PACS2: variants seen among roughly 807,000 people sequenced by gnomAD.
The protein encoded by PACS2 is phosphofurin acidic cluster sorting protein 2, also known as PACS1-like protein.
Under a neutral mutation model 113.0 loss-of-function variants are expected in PACS2, and 36 were observed. The ratio of observed to expected loss-of-function variants is 0.32; its 90% CI spans 0.24 to 0.42. The LOEUF (loss-of-function observed/expected upper bound fraction) is 0.42. PACS2 is among the 10% of genes least tolerant of loss of function. The pLI is 1.00. For synonymous variants in PACS2, 589 were observed against 536.1 expected, an observed-to-expected ratio of 1.10 and a Z score of -1.36; for missense variants, 1,015 against 1,239.5, an observed-to-expected ratio of 0.82 and a Z score of 2.72.
intron 1 of PACS2, among the ~76,000 whole-genome samples, chr14:105,333,652 C>T (rs990418297): frequency 2.4e-4 from 37 of 152,250 alleles, no homozygotes; most frequent in Non-Finnish European, 1.5e-5. Flanking sequence ...TTCTTGCAGG[C>T]CCACTCTTCA....
chr14:105,361,946 T>C (rs1012801613), intron 4 of PACS2, among the ~76,000 whole-genome samples: 4 of 150,860 alleles, frequency 2.7e-5, no homozygotes, highest in African/African-American at 9.8e-5. Flanking sequence ...TGAGACTTCA[T>C]CTCAAACAAA....
intron 1 of PACS2, among the ~76,000 whole-genome samples, chr14:105,343,909 T>C (rs1053178232): frequency 2.6e-5 from 4 of 151,914 alleles, no homozygotes; most frequent in African/African-American, 9.6e-5. Context: ...TATTTATATA[T>C]TCTGGATAAA....
In PACS2 at chr14:105,376,497, A is replaced by T. The variant is rs1555410447; in HGVS notation, c.802-271A>T. 6.6e-6 allele frequency among the ~76,000 whole-genome samples: 1 copy of T among 152,170 alleles called. No homozygotes were observed. Among genetic ancestry groups the T allele is most frequent in the Non-Finnish European group, 1.5e-5 (1 of 68,024 alleles). ...CGTCAGAGCTCACCTGCCTGCACCC[A>T]GGCCCTCCGTGCACCCTGGCAGCCC... On this transcript the variant is annotated intron_variant, in intron 8 of 24. Transcript: ENST00000447393. This position sits in a 1 kb window ranked among gnomAD's most constrained non-coding sequence, Gnocchi z 4.7.
intron 2 of PACS2, among the ~76,000 whole-genome samples, chr14:105,350,800 G>A (rs1419664443): frequency 6.6e-6 from 1 of 152,248 alleles, no homozygotes; most frequent in Non-Finnish European, 1.5e-5. Context: ...GAGCACATTT[G>A]CAGGGAAACA....
Position 105,323,199 on chromosome 14 carries a change from G to A in PACS2, c.119+8162G>A, listed in dbSNP as rs975677312. Among the ~76,000 whole-genome samples, 10 of 152,174 alleles carry A rather than the reference G, an allele frequency of 6.6e-5. No homozygotes were observed. Among genetic ancestry groups the A allele is most frequent in the African/African-American group, 1.7e-4 (7 of 41,430 alleles). ...TGGATCGATGATTTTCATGAGTCCC[G>A]GGAAGCTCTCAGCCACTTTTTCTTC... On this transcript the variant is annotated intron_variant, in intron 1 of 24. Coordinates refer to ENST00000447393, the MANE Select transcript of PACS2 (RefSeq NM_001100913.3). The surrounding 1 kb of genome is among the most constrained non-coding windows in gnomAD (Gnocchi z 4.1).
At position 105,324,214 on chromosome 14, in the gene PACS2, G is replaced by A. The variant is rs957287351; in HGVS notation, c.119+9177G>A. ...GCAGCTGCGGTGCTGTGGCGGGGTC[G>A]GGGGGCTGCTGCAGAGAGCGGGTCT... is the stretch of plus-strand genomic sequence containing the variant. On this transcript the variant is annotated intron_variant, in intron 1 of 24. Transcript: ENST00000447393. This position sits in a 1 kb window ranked among gnomAD's most constrained non-coding sequence, Gnocchi z 4.7. Among the ~76,000 whole-genome samples, 3 of 152,154 alleles carry A rather than the reference G, an allele frequency of 2.0e-5. No homozygotes were observed. The highest frequency in any genetic ancestry group is 4.1e-4 in the South Asian group (2 of 4,826).
At chr14:105,352,283 C>T in intron 2 of PACS2, 95 bp from the exon 3 acceptor site, 1 of 800,538 alleles carries the variant, frequency 1.2e-6, no homozygotes, top group Non-Finnish European at 2.2e-6. Context: ...GGCTGCAATC[C>T]TGCCAGTTTT....
At position 105,366,749 on chromosome 14, in the gene PACS2, C is replaced by T. The variant is rs2141138265; in HGVS notation, c.424-464C>T. On this transcript the variant is annotated intron_variant, in intron 4 of 24. Coordinates refer to ENST00000447393, the MANE Select transcript of PACS2 (RefSeq NM_001100913.3). The surrounding 1 kb of genome is among the most constrained non-coding windows in gnomAD (Gnocchi z 4.3). ...TGGGTTGGGCAGCCGGCTTCACACA[C>T]TGCTTTGCTGCTGCTGAGCTCTTGG... Among the ~76,000 whole-genome samples, 1 of 152,336 alleles carries T rather than the reference C, an allele frequency of 6.6e-6. No homozygotes were observed. Among genetic ancestry groups the T allele is most frequent in the South Asian group, 2.1e-4 (1 of 4,826 alleles).
intron 2 of PACS2, among the ~76,000 whole-genome samples, chr14:105,349,546 A>G (rs2060077776): frequency 6.6e-6 from 1 of 152,272 alleles, no homozygotes; most frequent in South Asian, 2.1e-4. Flanking sequence ...CCTGCAGAGT[A>G]GCACCTGAGC....
chr14:105,304,107 G>A (rs1566882244), intron 1 of PACS2, among the ~76,000 whole-genome samples: 1 of 152,232 alleles, frequency 6.6e-6, no homozygotes, highest in Non-Finnish European at 1.5e-5. Context: ...GGACAGTCAG[G>A]CAGTACAGGA....
At position 105,348,762 on chromosome 14, in the gene PACS2, G is replaced by A. The variant is rs369842739; in HGVS notation, c.207+182G>A. The A allele has an allele frequency of 3.2e-5, 19 of 586,656 alleles. No homozygotes were observed. The highest frequency in any genetic ancestry group is 1.5e-4 in the Admixed American group (5 of 33,584). 36.3% of individuals were successfully genotyped at this position (586,656 alleles called of 1,614,324 possible). A position where few individuals can be genotyped will look rare whatever the true frequency, so the allele number is the denominator to read the frequency against. On this transcript the variant is annotated intron_variant, in intron 2 of 24. Transcript: ENST00000447393. This position sits in a 1 kb window ranked among gnomAD's most constrained non-coding sequence, Gnocchi z 6.4. ...ATGCTCCTGGGTCCAGTCCTGTCCC[G>A]CACAAGGGAGGCAGGCCCGGCCTTC... is the stretch of plus-strand genomic sequence containing the variant.
rs1210372823 is a variant in PACS2, at chr14:105,352,483, G to T, written c.297+16G>T. 8 of 1,533,824 alleles carry T rather than the reference G, an allele frequency of 5.2e-6. No individual in the cohort carries two copies. The highest frequency in any genetic ancestry group is 6.3e-6 in the Non-Finnish European group (7 of 1,107,550). On this transcript the variant is annotated intron_variant, in intron 3 of 24. Transcript: ENST00000447393. ...CTCCTTGCAGGTGAGTCTTTCACCA[G>T]TGGTGACGACACCCTCATCACTGTC...
intron 17 of PACS2, 57 bp downstream of exon 17, chr14:105,384,520 TC>T: frequency 9.0e-7 from 1 of 1,108,400 alleles, no homozygotes; most frequent in Non-Finnish European, 1.3e-6. Flanking sequence ...GGCCCCGGTT[TC>T]CCCAGATGCT....
rs2081515097 is a variant in PACS2 at position 105,395,884 on chromosome 14, G to C, written c.*1212G>C. On this transcript the variant is annotated 3_prime_UTR_variant, in exon 25 of 25. Coordinates refer to ENST00000447393, the MANE Select transcript of PACS2 (RefSeq NM_001100913.3). ...AGCCTGCACTGTGGGGTCTCCATAG[G>C]AGGAGCTGGGGAAGCTGGGGCCCTC... 6.6e-6 allele frequency: 1 copy of C among 152,364 alleles called. No homozygotes were observed. The highest frequency in any genetic ancestry group is 6.5e-5 in the Admixed American group (1 of 15,290). 9.4% of individuals were successfully genotyped at this position (152,364 alleles called of 1,614,324 possible). A position where few individuals can be genotyped will look rare whatever the true frequency, so the allele number is the denominator to read the frequency against.
At chr14:105,386,113 C>T (rs1158611730) in intron 19 of PACS2, among the ~76,000 whole-genome samples, 3 of 152,246 alleles carry the variant, frequency 2.0e-5, no homozygotes, top group African/African-American at 7.2e-5. Context: ...AGCCCCTCCT[C>T]GTTTTAAACC....
upstream of PACS2, chr14:105,314,711 G>GCGGGCGGGGCGCCGGGCGGGGCGC (rs1049078172): frequency 2.8e-5 from 4 of 142,350 alleles, no homozygotes; most frequent in South Asian, 2.1e-4. Flanking sequence ...CGCGCGGGGC[G>GCGGGCGGGGCGCCGGGCGGGGCGC]CGGGCGGGGC....
intron 1 of PACS2, chr14:105,336,423 C>A (rs2059523801): frequency 6.6e-6 from 1 of 152,406 alleles, no homozygotes; most frequent in African/African-American, 2.4e-5. Flanking sequence ...AGGCCTTGAG[C>A]CAAGCACAGG....
intron 20 of PACS2, chr14:105,390,261 C>T (rs1207055938): frequency 2.5e-5 from 13 of 527,670 alleles, no homozygotes; most frequent in Admixed American, 6.1e-5. Context: ...GTCGGTGGGG[C>T]GAGGCCTCAG....
rs190737851 is a variant in PACS2, at chr14:105,364,393, C to T, written c.424-2820C>T. On this transcript the variant is annotated intron_variant, in intron 4 of 24. Coordinates refer to ENST00000447393, the MANE Select transcript of PACS2 (RefSeq NM_001100913.3). ...GTGGGCGTCCCGGGTGCGCGGTGGG[C>T]GGTGTCCCGGGTGCGCGGTGGGCGG... 1.2e-3 allele frequency among the ~76,000 whole-genome samples: 102 copies of T among 87,920 alleles called. 5 individuals carry two copies. In the East Asian group the frequency reaches 0.013, roughly 11 times the overall value. 57.7% of individuals were successfully genotyped at this position (87,920 alleles called of 152,430 possible).
Sources: allele counts gnomAD v4.1 joint callset (sites outside exome capture counted in the v4.1 genomes callset), GRCh38; gene constraint gnomAD v4.1.1; non-coding constraint Gnocchi (gnomAD v3.1); transcripts MANE v1.5; gene names NCBI Gene and HGNC (gene_info 2026-07-23, HGNC 2026-07-21).